GADL1: variants seen among roughly 807,000 people sequenced by gnomAD.
GADL1 encodes acidic amino acid decarboxylase GADL1.
GADL1 carries 71 observed loss-of-function variants against 69.5 expected under a neutral mutation model. That is an observed-to-expected ratio of 1.02 (90% CI 0.84 to 1.25). The LOEUF (loss-of-function observed/expected upper bound fraction) is 1.25. Among genes scored for constraint, GADL1 ranks in the 50% most tolerant of loss-of-function variants. The probability of loss-of-function intolerance (pLI) is 0.00; values close to 1 mark genes in which losing one functional copy is unlikely to be tolerated. For missense variants in GADL1, 737 were observed against 631.8 expected (o/e 1.17, Z -1.79); for synonymous variants, 254 against 214.4 (o/e 1.18, Z -1.62).
At chr3:30,879,317 T>C (rs1698614236) in intron 1 of GADL1, among the ~76,000 whole-genome samples, 1 of 151,900 alleles carries the variant, frequency 6.6e-6, no homozygotes, top group South Asian at 2.1e-4. Flanking sequence ...ATGCATCCCA[T>C]AGCTTTTGCC....
intron 3 of GADL1, among the ~76,000 whole-genome samples, chr3:30,856,177 T>C (rs1698227868): frequency 6.6e-6 from 1 of 152,088 alleles, no homozygotes. Flanking sequence ...AATCCAATTA[T>C]TTTTAGCCAG....
At chr3:30,779,791 C>CT (rs1464425955) in intron 13 of GADL1, among the ~76,000 whole-genome samples, 1 of 152,178 alleles carries the variant, frequency 6.6e-6, no homozygotes, top group Non-Finnish European at 1.5e-5. Flanking sequence ...GAAATCTACC[C>CT]TTTTTGAGTG....
chr3:30,817,970 G>GT lies in GADL1; in HGVS notation c.1050+15882dup, dbSNP rs1442135298. ...TGGAGATACGGAAGATACAATTCTT[G>GT]TTTTTTTAGTTTCTGGACTACATTT... On this transcript the variant is annotated intron_variant, in intron 11 of 14. Coordinates refer to ENST00000282538, the MANE Select transcript of GADL1 (RefSeq NM_207359.3). Among the ~76,000 whole-genome samples, 44 of 152,258 alleles carry GT rather than the reference G, an allele frequency of 2.9e-4. No homozygotes were observed. In the East Asian group the frequency reaches 4.8e-3, roughly 17 times the overall value.
chr3:30,746,843 T>C (rs1695710189), intron 14 of GADL1, among the ~76,000 whole-genome samples: 1 of 152,224 alleles, frequency 6.6e-6, no homozygotes, highest in Non-Finnish European at 1.5e-5. Flanking sequence ...AATTATTGTC[T>C]ATAAATTCAA....
intron 12 of GADL1, among the ~76,000 whole-genome samples, chr3:30,787,762 T>G (rs1475438327): frequency 6.6e-6 from 1 of 151,854 alleles, no homozygotes; most frequent in Non-Finnish European, 1.5e-5. Flanking sequence ...ACTAATACAA[T>G]CTTCTTCAAT....
At chr3:30,870,674 A>C (rs1698467819) in intron 1 of GADL1, among the ~76,000 whole-genome samples, 1 of 151,732 alleles carries the variant, frequency 6.6e-6, no homozygotes, top group Admixed American at 6.6e-5. Flanking sequence ...AAGTCCAGGC[A>C]GTAGACAATG....
At chr3:30,747,058 A>C (rs934145310) in intron 14 of GADL1, among the ~76,000 whole-genome samples, 2 of 152,198 alleles carry the variant, frequency 1.3e-5, no homozygotes, top group Non-Finnish European at 2.9e-5. Flanking sequence ...ATGTCTCTGC[A>C]ACATGGTGCC....
At chr3:30,838,895 C>CGT in intron 9 of GADL1, 102 bp downstream of exon 9, 2 of 653,420 alleles carry the variant, frequency 3.1e-6, no homozygotes, top group South Asian at 4.0e-5. Context: ...CAAACAAAAG[C>CGT]GTTGGGGACT....
intron 11 of GADL1, among the ~76,000 whole-genome samples, chr3:30,821,723 GATGATA>G (rs1238872494): frequency 3.3e-5 from 5 of 151,198 alleles, no homozygotes; most frequent in African/African-American, 1.2e-4. Context: ...AGAATAAATA[GATGATA>G]ATAAGTCATT....
intron 14 of GADL1, among the ~76,000 whole-genome samples, chr3:30,734,064 A>C (rs1033581121): frequency 2.0e-5 from 3 of 152,188 alleles, no homozygotes; most frequent in African/African-American, 7.2e-5. Context: ...GCAGATGTGA[A>C]AAGTTAGACA....
At chr3:30,741,481 T>C (rs1463903500) in intron 14 of GADL1, among the ~76,000 whole-genome samples, 1 of 152,076 alleles carries the variant, frequency 6.6e-6, no homozygotes, top group Non-Finnish European at 1.5e-5. Context: ...CTAAGCCTTC[T>C]ATTCTGTAAG....
chr3:30,748,840 T>G (rs1038068764), intron 14 of GADL1, among the ~76,000 whole-genome samples: 3 of 152,310 alleles, frequency 2.0e-5, no homozygotes, highest in African/African-American at 7.2e-5. Flanking sequence ...GTGTCCTCAA[T>G]TTATTTATTT....
chr3:30,873,511 A>G (rs1280767162), intron 1 of GADL1, among the ~76,000 whole-genome samples: 1 of 151,924 alleles, frequency 6.6e-6, no homozygotes. Context: ...GGAAGAACAT[A>G]TTGCTTTCTG....
chr3:30,856,324 C>T (rs1277341806), intron 3 of GADL1, among the ~76,000 whole-genome samples: 1 of 152,066 alleles, frequency 6.6e-6, no homozygotes, highest in African/African-American at 2.4e-5. Context: ...ATTTTTGAAA[C>T]TTGTTCGCTG....
At chr3:30,758,320 G>A (rs1485936519) in intron 14 of GADL1, among the ~76,000 whole-genome samples, 1 of 152,186 alleles carries the variant, frequency 6.6e-6, no homozygotes, top group Non-Finnish European at 1.5e-5. Flanking sequence ...CTCCTTAGCT[G>A]ATGAGTTTTC....
chr3:30,855,839 T>C (rs1007294257), intron 3 of GADL1, among the ~76,000 whole-genome samples: 24 of 151,846 alleles, frequency 1.6e-4, no homozygotes, highest in Admixed American at 6.6e-4. Flanking sequence ...TTTTAGTTTT[T>C]TTTTTCTCTC....
chr3:30,780,999 C>A (rs555641716), intron 13 of GADL1, among the ~76,000 whole-genome samples: 12 of 152,254 alleles, frequency 7.9e-5, no homozygotes, highest in African/African-American at 2.4e-4. Flanking sequence ...CAGAGTAAAT[C>A]ATTTGTATAC....
At chr3:30,812,224 CA>C (rs1475975849) in intron 11 of GADL1, among the ~76,000 whole-genome samples, 3 of 152,164 alleles carry the variant, frequency 2.0e-5, no homozygotes, top group Non-Finnish European at 4.4e-5. Context: ...AAAGAAGCTC[CA>C]AACTATAAAA....
intron 1 of GADL1, among the ~76,000 whole-genome samples, chr3:30,891,032 TCTTCCTTCCTTC>T (rs59987855): frequency 2.0e-5 from 3 of 150,202 alleles, no homozygotes; most frequent in East Asian, 4.0e-4. Flanking sequence ...TACTTTGCAT[TCTTCCTTCCTTC>T]CTTCCTTCCT....
Sources: allele counts gnomAD v4.1 joint callset (sites outside exome capture counted in the v4.1 genomes callset), GRCh38; gene constraint gnomAD v4.1.1; transcripts MANE v1.5; gene names NCBI Gene and HGNC (gene_info 2026-07-23, HGNC 2026-07-21).